The following CNTNAP2 variants were observed in gnomAD, a reference collection of about 807,000 sequenced individuals.
CNTNAP2 encodes the protein contactin-associated protein-like 2.
CNTNAP2 carries 98 observed loss-of-function variants against 155.2 expected under a neutral mutation model. The observed-to-expected ratio is 0.63, with a 90% CI of 0.54 to 0.75. The LOEUF is 0.75. Ranked by LOEUF, CNTNAP2 falls within the 30% of genes least tolerant of loss-of-function variation. The pLI is 0.00. For synonymous variants in CNTNAP2, 651 were observed against 631.2 expected, an observed-to-expected ratio of 1.03 and a Z score of -0.47; for missense variants, 1,727 against 1,688.1, an observed-to-expected ratio of 1.02 and a Z score of -0.40.
chr7:147,090,147 T>A (rs189104699), intron 4 of CNTNAP2, among the ~76,000 whole-genome samples: 251 of 152,282 alleles, frequency 1.6e-3, no homozygotes, highest in Non-Finnish European at 2.8e-3. Context: ...TTCATGCATG[T>A]TATGGTAAAA....
At chr7:147,620,222 G>A (rs1375683835) in intron 12 of CNTNAP2, among the ~76,000 whole-genome samples, 2 of 152,128 alleles carry the variant, frequency 1.3e-5, no homozygotes, top group African/African-American at 2.4e-5. Context: ...GACAAAGAAG[G>A]TGAGAAGGTG....
intron 1 of CNTNAP2, among the ~76,000 whole-genome samples, chr7:146,619,107 TA>T (rs1169179263): frequency 6.6e-6 from 1 of 151,274 alleles, no homozygotes; most frequent in Admixed American, 6.6e-5. Context: ...TCTAAAATAA[TA>T]AAAAAGTCAC....
At chr7:147,069,685 A>G (rs145148187) in intron 4 of CNTNAP2, among the ~76,000 whole-genome samples, 1 of 152,312 alleles carries the variant, frequency 6.6e-6, no homozygotes, top group East Asian at 1.9e-4. Context: ...TCGGAGATCC[A>G]GTTCCCCAAA....
intron 16 of CNTNAP2, among the ~76,000 whole-genome samples, chr7:148,120,645 GC>G (rs1804577355): frequency 6.6e-6 from 1 of 152,116 alleles, no homozygotes. Context: ...AAACCATGTG[GC>G]CCATGGTTCA....
chr7:147,046,914 C>T (rs1299417297), intron 4 of CNTNAP2, among the ~76,000 whole-genome samples: 23 of 150,108 alleles, frequency 1.5e-4, no homozygotes, highest in Non-Finnish European at 1.5e-5. Context: ...CGCCTGTAGT[C>T]CCAGCTACTC....
chr7:147,524,879 A>G (rs1051032503), intron 11 of CNTNAP2, among the ~76,000 whole-genome samples: 1 of 152,236 alleles, frequency 6.6e-6, no homozygotes, highest in Non-Finnish European at 1.5e-5. Flanking sequence ...GAGTCATACA[A>G]TAATTTCTAC....
intron 13 of CNTNAP2, among the ~76,000 whole-genome samples, chr7:147,703,402 A>G (rs186705258): frequency 2.6e-5 from 4 of 152,336 alleles, no homozygotes; most frequent in Admixed American, 2.6e-4. Context: ...TTTAATAGCC[A>G]ACTATAGGGC....
At chr7:147,529,484 C>T (rs779004706) in intron 11 of CNTNAP2, among the ~76,000 whole-genome samples, 16 of 152,154 alleles carry the variant, frequency 1.1e-4, no homozygotes, top group Admixed American at 2.0e-4. Flanking sequence ...CAACATAACA[C>T]TGTGGCTTTT....
At chr7:147,550,646 G>A (rs770912329) in intron 11 of CNTNAP2, among the ~76,000 whole-genome samples, 7 of 152,276 alleles carry the variant, frequency 4.6e-5, no homozygotes, top group Admixed American at 2.6e-4. Context: ...GTGGGGAGAG[G>A]AGCAGTCCCT....
At chr7:146,910,019 CAGAG>C (rs1343936026) in intron 3 of CNTNAP2, among the ~76,000 whole-genome samples, 2 of 76,568 alleles carry the variant, frequency 2.6e-5, no homozygotes, top group Non-Finnish European at 5.9e-5. Context: ...AACAGACAAA[CAGAG>C]AGCCAAATCA....
At chr7:146,163,945 A>T (rs1008131556) in intron 1 of CNTNAP2, among the ~76,000 whole-genome samples, 8 of 152,124 alleles carry the variant, frequency 5.3e-5, no homozygotes, top group South Asian at 4.1e-4. Context: ...TCTCAGCCTC[A>T]TCTCCTTTTA....
chr7:147,603,758 C>T lies in CNTNAP2; in HGVS notation c.1898-35348C>T, dbSNP rs944815904. ...TATGGAACCAAAAAAGAGCCCACAT[C>T]ACCAAGTCAATCCTAAGCCAAAAGA... On this transcript the variant is annotated intron_variant, in intron 12 of 23. Coordinates refer to ENST00000361727, the MANE Select transcript of CNTNAP2 (RefSeq NM_014141.6). Among the ~76,000 whole-genome samples, 6 of 152,224 alleles carry T rather than the reference C, an allele frequency of 3.9e-5. No homozygotes were observed. The East Asian group carries it at 9.7e-4, about 25-fold the overall frequency.
rs71527812 is a variant in CNTNAP2 at position 147,469,506 on chromosome 7, A to ATTTTTTTTTTTTTTTTTTTTTTTTTTT, written c.1671-16403_1671-16402insTTTTTTTTTTTTTTTTTTTTTTTTTTT. Among the ~76,000 whole-genome samples the ATTTTTTTTTTTTTTTTTTTTTTTTTTT allele has an allele frequency of 4.9e-4, 39 of 79,126 alleles. 6 individuals are homozygous for ATTTTTTTTTTTTTTTTTTTTTTTTTTT. Among genetic ancestry groups the ATTTTTTTTTTTTTTTTTTTTTTTTTTT allele is most frequent in the Admixed American group, 8.7e-4 (5 of 5,728 alleles). 51.9% of individuals were successfully genotyped at this position (79,126 alleles called of 152,430 possible). A position where few individuals can be genotyped will look rare whatever the true frequency, so the allele number is the denominator to read the frequency against. ...CAGAGCACCAGGATGTCAGGCTGCAATTTTTTTTTTTTTTTTTTTTTTTTT... is the reference window on the plus strand; with the variant it reads ...CAGAGCACCAGGATGTCAGGCTGCAATTTTTTTTTTTTTTTTTTTTTTTTTTTTTTTTTTTTTTTTTTTTTTTTTTTT... On this transcript the variant is annotated intron_variant, in intron 10 of 23. Coordinates refer to ENST00000361727, the MANE Select transcript of CNTNAP2 (RefSeq NM_014141.6).
chr7:147,259,356 C>T (rs914252700), intron 8 of CNTNAP2, among the ~76,000 whole-genome samples: 3 of 152,164 alleles, frequency 2.0e-5, no homozygotes, highest in Non-Finnish European at 2.9e-5. Context: ...ATTACCAATA[C>T]ATCTGTCATC....
At chr7:147,996,213 A>C (rs1386559682) in intron 15 of CNTNAP2, among the ~76,000 whole-genome samples, 1 of 152,206 alleles carries the variant, frequency 6.6e-6, no homozygotes, top group Non-Finnish European at 1.5e-5. Flanking sequence ...ATATGGCAAA[A>C]ATATTTAACA....
chr7:146,934,814 C>A (rs1306182552), intron 3 of CNTNAP2, among the ~76,000 whole-genome samples: 1 of 152,144 alleles, frequency 6.6e-6, no homozygotes, highest in Non-Finnish European at 1.5e-5. Flanking sequence ...CAGGCTCTGC[C>A]TCTTATTGGA....
intron 20 of CNTNAP2, among the ~76,000 whole-genome samples, chr7:148,234,677 G>A (rs1024751588): frequency 5.3e-5 from 8 of 152,232 alleles, no homozygotes; most frequent in Non-Finnish European, 8.8e-5. Flanking sequence ...AGGTAGAGCA[G>A]GATGATGGAC....
chr7:148,136,025 G>GGAAAGA lies in CNTNAP2; in HGVS notation c.2555-11466_2555-11465insGAAAGA, dbSNP rs1563211121. On this transcript the variant is annotated intron_variant, in intron 16 of 23. Transcript: ENST00000361727. The stretch of plus-strand genomic sequence containing the variant: ...GAAGGAAGGAAGGAAGGAAGGGAGG[G>GGAAAGA]AGGGAGGGAGGGAGGGAGGGAGGGG... 4.1e-3 allele frequency among the ~76,000 whole-genome samples: 126 copies of GGAAAGA among 30,948 alleles called. 4 individuals are homozygous for GGAAAGA. The highest frequency in any genetic ancestry group is 0.022 in the African/African-American group (105 of 4,794). 20.3% of individuals were successfully genotyped at this position (30,948 alleles called of 152,430 possible). A position where few individuals can be genotyped will look rare whatever the true frequency, so the allele number is the denominator to read the frequency against.
At chr7:147,328,466 T>C (rs1795499991) in intron 9 of CNTNAP2, among the ~76,000 whole-genome samples, 1 of 152,200 alleles carries the variant, frequency 6.6e-6, no homozygotes, top group Admixed American at 6.5e-5. Flanking sequence ...CAATGGACGG[T>C]TCCTCAGCCA....
Sources: allele counts gnomAD v4.1 joint callset (sites outside exome capture counted in the v4.1 genomes callset), GRCh38; gene constraint gnomAD v4.1.1; transcripts MANE v1.5; gene names NCBI Gene and HGNC (gene_info 2026-07-23, HGNC 2026-07-21).